Variants in IGFBP2 observed in about 807,000 individuals in gnomAD.
The protein encoded by IGFBP2 is insulin like growth factor binding protein 2.
Under a neutral mutation model 26.2 loss-of-function variants are expected in IGFBP2, and 12 were observed. The observed-to-expected ratio is 0.46, with a 90% CI of 0.29 to 0.74. The LOEUF (loss-of-function observed/expected upper bound fraction) is 0.74, where lower values mean the gene tolerates loss of function less well. Among genes scored for constraint, IGFBP2 ranks in the 30% least tolerant of loss-of-function variants. IGFBP2 has a pLI of 0.09. For synonymous variants in IGFBP2, 189 were observed against 200.6 expected (o/e 0.94, Z 0.49); for missense variants, 328 against 441.2 (o/e 0.74, Z 2.30).
At position 216,664,277 on chromosome 2, in the gene IGFBP2, C is replaced by A; in HGVS notation, c.*173C>A. ...CGGCACCTCCCCGGCCTCTCTCTTC[C>A]CAGCTGCAGATGCCACACCTGCTCC... On this transcript the variant is annotated 3_prime_UTR_variant, in exon 4 of 4. Coordinates refer to ENST00000233809, the MANE Select transcript of IGFBP2 (RefSeq NM_000597.3). The surrounding 1 kb of genome is among the most constrained non-coding windows in gnomAD (Gnocchi z 4.6). 2.0e-6 allele frequency: 1 copy of A among 490,954 alleles called. No homozygotes were observed. Among genetic ancestry groups the A allele is most frequent in the Non-Finnish European group, 3.5e-6 (1 of 285,290 alleles). The allele number at this position is 490,954 out of a possible 1,614,324, so 30.4% of individuals were successfully genotyped here. A position where few individuals can be genotyped will look rare whatever the true frequency, so the allele number is the denominator to read the frequency against.
chr2:216,661,045 T>C, intron 2 of IGFBP2: 2 of 511,126 alleles, frequency 3.9e-6, no homozygotes, highest in Non-Finnish European at 7.0e-6. Flanking sequence ...TTTTGGAACA[T>C]AGACACAGAA....
In IGFBP2 at chr2:216,662,773, G is replaced by A. The variant is rs569547081; in HGVS notation, c.813+775G>A. ...CAGCTCACTGCAACCTCCGCCTGCC[G>A]TGTTCAAGCAATTCTCCTGCCTCAG... On this transcript the variant is annotated intron_variant, in intron 3 of 3. Transcript: ENST00000233809. 51 of 150,454 alleles carry A rather than the reference G, an allele frequency of 3.4e-4. 1 individual carries two copies. Among genetic ancestry groups the A allele is most frequent in the Middle Eastern group, 6.9e-3 (2 of 290 alleles). 9.3% of individuals were successfully genotyped at this position (150,454 alleles called of 1,614,324 possible).
intron 1 of IGFBP2, among the ~76,000 whole-genome samples, chr2:216,649,093 T>G (rs1697769706): frequency 6.6e-6 from 1 of 152,260 alleles, no homozygotes; most frequent in South Asian, 2.1e-4. Flanking sequence ...ATGACTAATA[T>G]GCCTATGTTT....
chr2:216,661,704 C>A, intron 2 of IGFBP2, 154 bp from the exon 3 acceptor site: 1 of 831,414 alleles, frequency 1.2e-6, no homozygotes, highest in East Asian at 2.7e-5. Context: ...GATCCCCGGG[C>A]AGGCTGTCAG....
At chr2:216,642,497 G>A (rs556249534) in intron 1 of IGFBP2, among the ~76,000 whole-genome samples, 30 of 150,602 alleles carry the variant, frequency 2.0e-4, no homozygotes, top group Admixed American at 6.0e-4. Flanking sequence ...TAGTAGAGAC[G>A]GGGTTTCACC....
chr2:216,640,214 G>A (rs1489914041), intron 1 of IGFBP2, among the ~76,000 whole-genome samples: 3 of 152,096 alleles, frequency 2.0e-5, no homozygotes, highest in Admixed American at 2.0e-4. Flanking sequence ...CCAATCAGAG[G>A]GATATTATGT....
intron 1 of IGFBP2, chr2:216,659,885 C>A: frequency 1.3e-6 from 1 of 746,690 alleles, no homozygotes; most frequent in Non-Finnish European, 2.3e-6. Flanking sequence ...TGCCTCGGAG[C>A]AGCACTATGG....
In IGFBP2 at chr2:216,633,818, G is replaced by A; in HGVS notation, c.295G>A (p.Gly99Ser). 2 of 1,520,936 alleles carry A rather than the reference G, an allele frequency of 1.3e-6. No individual in the cohort carries two copies. The highest frequency in any genetic ancestry group is 1.8e-6 in the Non-Finnish European group (2 of 1,139,936). 94.2% of individuals were successfully genotyped at this position (1,520,936 alleles called of 1,614,324 possible). Reference protein sequence around the residue: ...VCARLEGEACGVYTPRCGQGL... With the variant: ...VCARLEGEACSVYTPRCGQGL... ...CGCCCGGCTGGAGGGCGAGGCGTGC[G>A]GCGTCTACACCCCGCGCTGCGGCCA... Residue 99 changes from glycine (G) to serine (S), a missense_variant, in exon 1 of 4, where the codon GGC becomes AGC. Physicochemically the swap from Gly to Ser is moderately conservative, Grantham distance 56. Coordinates refer to ENST00000233809, the MANE Select transcript of IGFBP2 (RefSeq NM_000597.3).
intron 1 of IGFBP2, among the ~76,000 whole-genome samples, chr2:216,637,305 G>C (rs893184286): frequency 1.1e-4 from 16 of 152,198 alleles, no homozygotes; most frequent in African/African-American, 3.1e-4. Context: ...GGAAGCGCCT[G>C]TCTAGGAGAC....
chr2:216,639,291 C>T (rs889177782), intron 1 of IGFBP2, among the ~76,000 whole-genome samples: 3 of 152,130 alleles, frequency 2.0e-5, no homozygotes, highest in Non-Finnish European at 2.9e-5. Context: ...CCGCCTTGGC[C>T]TCCCAAAGTG....
intron 3 of IGFBP2, 134 bp downstream of exon 3, chr2:216,662,132 T>C (rs1688666364): frequency 9.6e-7 from 1 of 1,044,776 alleles, no homozygotes; most frequent in African/African-American, 1.6e-5. Context: ...CCTGTCACCA[T>C]GGGGATTGGG....
At position 216,633,951 on chromosome 2, in the gene IGFBP2, C is replaced by G. The variant is rs201501424; in HGVS notation, c.428C>G (p.Pro143Arg). The G allele has an allele frequency of 9.4e-6, 15 of 1,601,812 alleles. No individual in the cohort carries two copies. In the African/African-American group the frequency reaches 1.9e-4, roughly 20 times the overall value. Residue 143 changes from proline (P) to arginine (R), a missense_variant, in exon 1 of 4, where the codon CCG (proline) becomes CGG (arginine). By Grantham distance (103) the Pro-to-Arg change is moderately radical (BLOSUM62 -2). Coordinates refer to ENST00000233809, the MANE Select transcript of IGFBP2 (RefSeq NM_000597.3). The part of the protein sequence containing the change: ...KRRDAEYGAS[P>R]EQVADNGDDH... Reference sequence around the variant, plus strand: ...CGGGACGCCGAGTATGGCGCCAGCCCGGAGCAGGTTGCAGGTAACGCGGTC... The same window carrying G: ...CGGGACGCCGAGTATGGCGCCAGCCGGGAGCAGGTTGCAGGTAACGCGGTC...
chr2:216,643,404 C>T (rs946770553), intron 1 of IGFBP2, among the ~76,000 whole-genome samples: 2 of 152,070 alleles, frequency 1.3e-5, no homozygotes, highest in Non-Finnish European at 2.9e-5. Flanking sequence ...ACAATGATGC[C>T]GAAGACTTTC....
At chr2:216,634,249 T>C (rs1489063666) in intron 1 of IGFBP2, among the ~76,000 whole-genome samples, 1 of 152,164 alleles carries the variant, frequency 6.6e-6, no homozygotes, top group Non-Finnish European at 1.5e-5. Flanking sequence ...CCCAGACTTC[T>C]ATTCTGGAGG....
chr2:216,655,101 G>A (rs1419472555), intron 1 of IGFBP2, among the ~76,000 whole-genome samples: 2 of 152,180 alleles, frequency 1.3e-5, no homozygotes, highest in Non-Finnish European at 2.9e-5. Flanking sequence ...AGGCTGGAGT[G>A]CAGTGGCATG....
chr2:216,647,263 A>T (rs1490552946), intron 1 of IGFBP2, among the ~76,000 whole-genome samples: 2 of 152,150 alleles, frequency 1.3e-5, no homozygotes, highest in South Asian at 4.1e-4. Flanking sequence ...CCTTCCTAAA[A>T]TGTTAATTGA....
intron 1 of IGFBP2, among the ~76,000 whole-genome samples, chr2:216,655,788 G>A (rs955765833): frequency 1.3e-4 from 19 of 151,892 alleles, no homozygotes; most frequent in Admixed American, 3.3e-4. Context: ...CCAGCTACTC[G>A]AGAAGCTGAG....
intron 1 of IGFBP2, among the ~76,000 whole-genome samples, chr2:216,658,710 C>T (rs1392447807): frequency 5.9e-5 from 9 of 152,086 alleles, no homozygotes; most frequent in South Asian, 4.2e-4. Context: ...CCACCACACC[C>T]GGCTAATTTT....
chr2:216,639,862 C>T (rs939951179), intron 1 of IGFBP2, among the ~76,000 whole-genome samples: 2 of 152,028 alleles, frequency 1.3e-5, no homozygotes, highest in African/African-American at 2.4e-5. Flanking sequence ...AGGCTGGTCT[C>T]GAACTCTGGA....
Sources: allele counts gnomAD v4.1 joint callset (sites outside exome capture counted in the v4.1 genomes callset), GRCh38; gene constraint gnomAD v4.1.1; non-coding constraint Gnocchi (gnomAD v3.1); transcripts MANE v1.5; gene names NCBI Gene and HGNC (gene_info 2026-07-23, HGNC 2026-07-21).